The following PLEKHD1 variants were observed in gnomAD, a reference collection of about 807,000 sequenced individuals.
PLEKHD1 encodes pleckstrin homology domain-containing family D member 1.
In PLEKHD1, 51 loss-of-function variants were observed where a neutral mutation model predicts 69.2. That is an observed-to-expected ratio of 0.74 (90% CI 0.59 to 0.93). The LOEUF is 0.93. Ranked by LOEUF, PLEKHD1 falls within the 40% of genes least tolerant of loss-of-function variation. The probability of loss-of-function intolerance (pLI) is 0.00; values close to 1 mark genes in which losing one functional copy is unlikely to be tolerated. For missense variants in PLEKHD1, 584 were observed against 641.0 expected (o/e 0.91, Z 0.96); for synonymous variants, 236 against 244.7 (o/e 0.96, Z 0.33).
chr14:69,503,661 A>G (rs1404181500), intron 6 of PLEKHD1: 1 of 141,026 alleles, frequency 7.1e-6, no homozygotes, highest in Non-Finnish European at 1.5e-5. Flanking sequence ...ACTGCACTCC[A>G]GCCTGGGCGA....
At chr14:69,477,236 T>C in the PLEKHD1 span, among the ~76,000 whole-genome samples, 2 of 152,224 alleles carry the variant, frequency 1.3e-5, no homozygotes, top group Non-Finnish European at 2.9e-5. Flanking sequence ...TGGCCCTTTT[T>C]AAATCATCAG....
the PLEKHD1 span, among the ~76,000 whole-genome samples, chr14:69,477,874 T>C: frequency 6.6e-6 from 1 of 152,200 alleles, no homozygotes; most frequent in Non-Finnish European, 1.5e-5. Context: ...TCCTGGTGCA[T>C]GGTGCAAGCT....
In PLEKHD1 at chr14:69,500,229, G is replaced by A; in HGVS notation, c.243+21G>A. The A allele has an allele frequency of 2.0e-6, 3 of 1,505,828 alleles. No homozygotes were observed. The South Asian group carries it at 3.6e-5, about 18-fold the overall frequency. The allele number at this position is 1,505,828 out of a possible 1,614,324, so 93.3% of individuals were successfully genotyped here. A position where few individuals can be genotyped will look rare whatever the true frequency, so the allele number is the denominator to read the frequency against. On this transcript the variant is annotated intron_variant, in intron 2 of 12. Transcript: ENST00000322564. ...CTAAGGTGAGGCGGCCCCTCCCAGGGCCACAGCAGGGGAGGGCCCAGTGCG... is the reference window on the plus strand; with the variant it reads ...CTAAGGTGAGGCGGCCCCTCCCAGGACCACAGCAGGGGAGGGCCCAGTGCG...
At chr14:69,472,675 C>T in the PLEKHD1 span, among the ~76,000 whole-genome samples, 2 of 152,200 alleles carry the variant, frequency 1.3e-5, no homozygotes, top group Admixed American at 1.3e-4. Flanking sequence ...GTGTTCAGTA[C>T]AGTAATGTGC....
At chr14:69,510,731 G>C (rs1380132418) in intron 6 of PLEKHD1, among the ~76,000 whole-genome samples, 1 of 152,084 alleles carries the variant, frequency 6.6e-6, no homozygotes, top group African/African-American at 2.4e-5. Flanking sequence ...TTTGTAATCT[G>C]TATACCTTCT....
At chr14:69,506,200 T>A (rs1883148529) in intron 6 of PLEKHD1, among the ~76,000 whole-genome samples, 1 of 152,224 alleles carries the variant, frequency 6.6e-6, no homozygotes, top group South Asian at 2.1e-4. Flanking sequence ...ATTTCTCAGT[T>A]ATTTGAAAGC....
chr14:69,487,425 G>A (rs1381144150), intron 1 of PLEKHD1, among the ~76,000 whole-genome samples: 1 of 152,240 alleles, frequency 6.6e-6, no homozygotes, highest in Admixed American at 6.5e-5. Context: ...GGCCGCCACC[G>A]CAGAGCCTTG....
At position 69,496,702 on chromosome 14, in the gene PLEKHD1, A is replaced by ATTTTTTTTT. The variant is rs375368521; in HGVS notation, c.150-3399_150-3391dup. ...AGGCATGTACCACCATGCCCAGCTA[A>ATTTTTTTTT]TTTTTTTTTTTTTTTTTTTTTTAAT... On this transcript the variant is annotated intron_variant, in intron 1 of 12. Transcript: ENST00000322564. Among the ~76,000 whole-genome samples the ATTTTTTTTT allele has an allele frequency of 1.8e-3, 207 of 112,906 alleles. 1 individual carries two copies. The highest frequency in any genetic ancestry group is 4.1e-3 in the East Asian group (17 of 4,136). The allele number at this position is 112,906 out of a possible 152,430, so 74.1% of individuals were successfully genotyped here.
chr14:69,527,512 T>C (rs531728291), intron 11 of PLEKHD1, among the ~76,000 whole-genome samples, 180 bp downstream of exon 11: 3 of 152,366 alleles, frequency 2.0e-5, no homozygotes, highest in African/African-American at 2.4e-5. Flanking sequence ...TGCTTTCTTG[T>C]GGCTGTTGGA....
At chr14:69,500,547 TG>T (rs2139505318) in intron 2 of PLEKHD1, 29 bp from the exon 3 acceptor site, 4 of 1,527,134 alleles carry the variant, frequency 2.6e-6, no homozygotes, top group Non-Finnish European at 3.5e-6. Flanking sequence ...TTGGGTGGGG[TG>T]GGGGCTGCCT....
rs902894656 is a variant in PLEKHD1, at chr14:69,500,907, C to A, written c.370C>A (p.Gln124Lys). The A allele has an allele frequency of 1.3e-6, 2 of 1,551,658 alleles. No individual in the cohort carries two copies. The highest frequency in any genetic ancestry group is 4.9e-5 in the East Asian group (2 of 40,920). ...ILLAAESEFE[Q>K]TQWLEMLQES... ...GCTTGCTGCTGAGTCGGAGTTTGAG[C>A]AGACCCAGTGGCTGGAGATGCTGCA... is the stretch of plus-strand genomic sequence containing the variant. Residue 124 changes from glutamine (Q) to lysine (K), a missense_variant, in exon 4 of 13, where the codon CAG becomes AAG. Transcript: ENST00000322564.
At chr14:69,524,423 T>A in intron 8 of PLEKHD1, 101 bp downstream of exon 8, 1 of 1,013,090 alleles carries the variant, frequency 9.9e-7, no homozygotes, top group East Asian at 2.6e-5. Flanking sequence ...GGGTGATCTG[T>A]AAGAGAAATG....
chr14:69,489,403 A>G (rs1882723384), intron 1 of PLEKHD1, among the ~76,000 whole-genome samples: 1 of 151,976 alleles, frequency 6.6e-6, no homozygotes, highest in Non-Finnish European at 1.5e-5. Flanking sequence ...TACTAAAAAT[A>G]CAAAGATTAG....
At chr14:69,492,989 A>G (rs971841583) in intron 1 of PLEKHD1, among the ~76,000 whole-genome samples, 6 of 152,132 alleles carry the variant, frequency 3.9e-5, no homozygotes, top group African/African-American at 1.4e-4. Context: ...GCTGGTATGG[A>G]CTCCGGGGTT....
At chr14:69,470,850 T>G in the PLEKHD1 span, among the ~76,000 whole-genome samples, 1 of 151,130 alleles carries the variant, frequency 6.6e-6, no homozygotes. Flanking sequence ...CACTGCAAGC[T>G]CCGCGATCTC....
intron 6 of PLEKHD1, among the ~76,000 whole-genome samples, chr14:69,513,036 T>A (rs749382255): frequency 6.6e-6 from 1 of 151,594 alleles, no homozygotes; most frequent in Non-Finnish European, 1.5e-5. Context: ...TGAGCTATGA[T>A]TGTACCACTG....
intron 6 of PLEKHD1, 86 bp from the exon 7 acceptor site, chr14:69,522,197 A>G: frequency 8.0e-7 from 1 of 1,250,602 alleles, no homozygotes; most frequent in South Asian, 1.4e-5. Context: ...TAAATCCCAG[A>G]GGGTCCCTTG....
intron 6 of PLEKHD1, among the ~76,000 whole-genome samples, chr14:69,508,405 CA>C (rs377539792): frequency 0.029 from 3,726 of 130,124 alleles, 67 homozygotes; most frequent in Middle Eastern, 0.064. Flanking sequence ...GACTCCATCT[CA>C]AAAAAAAAAA....
intron 6 of PLEKHD1, among the ~76,000 whole-genome samples, chr14:69,519,386 T>C (rs1883458057): frequency 6.6e-6 from 1 of 152,056 alleles, no homozygotes; most frequent in Non-Finnish European, 1.5e-5. Context: ...GAGACTTTAA[T>C]TGCCTTTAAA....
Sources: gnomAD v4.1 joint callset for allele counts (sites outside exome capture counted in the v4.1 genomes callset) on GRCh38, gnomAD v4.1.1 for gene constraint, MANE v1.5 for transcripts, NCBI Gene and HGNC (gene_info 2026-07-23, HGNC 2026-07-21) for gene names.